The following PCDH15 variants were observed in gnomAD, a reference collection of about 807,000 sequenced individuals.
PCDH15 encodes protocadherin-15.
A neutral mutation model predicts 178.5 loss-of-function variants in PCDH15; 129 were observed. The observed-to-expected ratio is 0.72, with a 90% CI of 0.63 to 0.84. PCDH15 has a LOEUF of 0.84. Ranked by LOEUF, PCDH15 falls within the 40% of genes least tolerant of loss-of-function variation. PCDH15 has a pLI of 0.00. For synonymous variants in PCDH15, 800 were observed against 732.0 expected (o/e 1.09, Z -1.50); for missense variants, 2,230 against 2,099.9 (o/e 1.06, Z -1.21).
At chr10:54,115,885 C>A (rs1199321174) in intron 15 of PCDH15, among the ~76,000 whole-genome samples, 4 of 152,140 alleles carry the variant, frequency 2.6e-5, no homozygotes, top group Non-Finnish European at 5.9e-5. Flanking sequence ...AGTTTTGAGA[C>A]AGAGAGCTAA....
Position 55,442,278 on chromosome 10 carries a change from A to C in PCDH15, c.-156+185347T>G, listed in dbSNP as rs1839204848. 2.6e-5 allele frequency among the ~76,000 whole-genome samples: 4 copies of C among 151,734 alleles called. No individual in the cohort carries two copies. In the South Asian group the frequency reaches 8.3e-4, roughly 32 times the overall value. On this transcript the variant is annotated intron_variant, in intron 2 of 5. Coordinates refer to the PCDH15 transcript ENST00000613346. Reference sequence around the variant, plus strand: ...TTTTAAGAAATGATGATGGATACTTATTCTAGGATTGCATGCAAACCTCAA... The same window carrying C: ...TTTTAAGAAATGATGATGGATACTTCTTCTAGGATTGCATGCAAACCTCAA...
intron 2 of PCDH15, among the ~76,000 whole-genome samples, chr10:55,371,109 C>A: frequency 6.6e-6 from 1 of 152,010 alleles, no homozygotes; most frequent in South Asian, 2.1e-4. Flanking sequence ...AAAATATAGC[C>A]ATGTAAAACA....
chr10:55,101,470 T>C (rs1842575068), intron 2 of PCDH15, among the ~76,000 whole-genome samples: 1 of 150,920 alleles, frequency 6.6e-6, no homozygotes, highest in South Asian at 2.1e-4. Context: ...CCATGCAAAA[T>C]AGACAACAGC....
At chr10:54,695,282 A>G (rs2095204672) in intron 1 of PCDH15, among the ~76,000 whole-genome samples, 1 of 152,158 alleles carries the variant, frequency 6.6e-6, no homozygotes, top group African/African-American at 2.4e-5. Context: ...TAGAAAATCA[A>G]ACCAACCACA....
At chr10:55,434,077 CTTT>C (rs60921527) in intron 2 of PCDH15, among the ~76,000 whole-genome samples, 2 of 90,814 alleles carry the variant, frequency 2.2e-5, no homozygotes, top group East Asian at 3.6e-4. Flanking sequence ...CTTTTCTTTT[CTTT>C]TTTTTTTTTT....
At chr10:55,505,695 G>T (rs1274279444) in intron 2 of PCDH15, among the ~76,000 whole-genome samples, 4 of 151,452 alleles carry the variant, frequency 2.6e-5, no homozygotes, top group African/African-American at 9.7e-5. Context: ...TGTTGTAAGA[G>T]ATGCTAGTTA....
intron 2 of PCDH15, among the ~76,000 whole-genome samples, chr10:55,569,697 C>T (rs886170627): frequency 4.0e-5 from 6 of 151,738 alleles, no homozygotes; most frequent in Admixed American, 2.0e-4. Flanking sequence ...AAGTGGTCTT[C>T]GTTTTCTCCA....
chr10:54,485,359 A>G (rs948765873), intron 3 of PCDH15, among the ~76,000 whole-genome samples: 10 of 151,954 alleles, frequency 6.6e-5, no homozygotes, highest in African/African-American at 2.4e-4. Flanking sequence ...CAGCCAAGCA[A>G]TTGAGCCTCT....
At chr10:55,023,314 G>C (rs1293418895) in intron 2 of PCDH15, among the ~76,000 whole-genome samples, 1 of 152,258 alleles carries the variant, frequency 6.6e-6, no homozygotes, top group African/African-American at 2.4e-5. Flanking sequence ...CTCTTGTTTT[G>C]TGAAGAAAAC....
chr10:54,738,154 AG>A (rs1944361133), intron 1 of PCDH15, among the ~76,000 whole-genome samples: 1 of 152,138 alleles, frequency 6.6e-6, no homozygotes. Flanking sequence ...CAGATCATGT[AG>A]CACCCTAGGA....
At chr10:54,836,972 T>G (rs1287316573) in intron 3 of PCDH15, among the ~76,000 whole-genome samples, 1 of 152,080 alleles carries the variant, frequency 6.6e-6, no homozygotes, top group Non-Finnish European at 1.5e-5. Flanking sequence ...TTGAAATACT[T>G]CAAGAACAAT....
At chr10:54,913,889 C>A (rs1954859722) in intron 2 of PCDH15, among the ~76,000 whole-genome samples, 1 of 152,206 alleles carries the variant, frequency 6.6e-6, no homozygotes, top group Non-Finnish European at 1.5e-5. Context: ...CAATTTCTCA[C>A]TTTTGAAATG....
intron 2 of PCDH15, among the ~76,000 whole-genome samples, chr10:54,619,746 T>C (rs111813744): frequency 3.9e-5 from 6 of 152,208 alleles, no homozygotes; most frequent in East Asian, 1.9e-4. Context: ...ACTGCCGCAC[T>C]AGAACCATCA....
At chr10:54,615,333 A>G (rs1021594910) in intron 2 of PCDH15, among the ~76,000 whole-genome samples, 1 of 152,062 alleles carries the variant, frequency 6.6e-6, no homozygotes, top group Non-Finnish European at 1.5e-5. Context: ...TACTCAGTAG[A>G]TTTTTTAATT....
intron 1 of PCDH15, among the ~76,000 whole-genome samples, chr10:55,279,447 C>G (rs1287737399): frequency 6.6e-6 from 1 of 152,122 alleles, no homozygotes; most frequent in Non-Finnish European, 1.5e-5. Context: ...CTTTGAGATT[C>G]TGACTTTGTT....
intron 2 of PCDH15, among the ~76,000 whole-genome samples, chr10:54,644,695 A>G (rs1227894935): frequency 1.3e-5 from 2 of 152,168 alleles, no homozygotes; most frequent in Non-Finnish European, 2.9e-5. Context: ...AAGATTTTTC[A>G]TAATGTATCT....
At chr10:55,262,644 C>T (rs1842176137) in intron 1 of PCDH15, among the ~76,000 whole-genome samples, 1 of 152,122 alleles carries the variant, frequency 6.6e-6, no homozygotes, top group Admixed American at 6.6e-5. Flanking sequence ...CACTGAGCAG[C>T]CCGACTCCAG....
intron 2 of PCDH15, among the ~76,000 whole-genome samples, chr10:54,582,271 C>A (rs1200313371): frequency 6.6e-6 from 1 of 151,904 alleles, no homozygotes; most frequent in Non-Finnish European, 1.5e-5. Context: ...GGGCAAAGGA[C>A]ATGAAGAGGT....
chr10:54,772,664 G>A (rs1949231961), intron 1 of PCDH15, among the ~76,000 whole-genome samples: 1 of 152,150 alleles, frequency 6.6e-6, no homozygotes, highest in South Asian at 2.1e-4. Context: ...TACACTGTTG[G>A]TGGGAGTGTA....
Sources: allele counts gnomAD v4.1 joint callset (sites outside exome capture counted in the v4.1 genomes callset), GRCh38; gene constraint gnomAD v4.1.1; transcripts MANE v1.5; gene names NCBI Gene and HGNC (gene_info 2026-07-23, HGNC 2026-07-21).